The following CAMK2B variants were observed in gnomAD, a reference collection of about 807,000 sequenced individuals.
CAMK2B encodes calcium/calmodulin-dependent protein kinase type II subunit beta.
In CAMK2B, 27 loss-of-function variants were observed where a neutral mutation model predicts 93.7. The ratio of observed to expected loss-of-function variants is 0.29; its 90% CI spans 0.21 to 0.40. CAMK2B has a LOEUF of 0.40. CAMK2B is among the 10% of genes least tolerant of loss of function. The pLI is 1.00. For missense variants in CAMK2B, 568 were observed against 895.8 expected (o/e 0.63, Z 4.67); for synonymous variants, 374 against 358.8 (o/e 1.04, Z -0.48).
intron 13 of CAMK2B, among the ~76,000 whole-genome samples, chr7:44,238,677 C>T (rs971591004): frequency 6.6e-6 from 1 of 152,250 alleles, no homozygotes; most frequent in Non-Finnish European, 1.5e-5. Context: ...ACCCTGGAAC[C>T]TCTGCCGGGT....
chr7:44,325,272 C>A (rs1797241640), intron 1 of CAMK2B, 85 bp downstream of exon 1: 4 of 773,322 alleles, frequency 5.2e-6, no homozygotes, highest in Middle Eastern at 1.3e-3. Flanking sequence ...GCCCGCAGTG[C>A]GCCTGGAGCC....
At chr7:44,323,114 G>A (rs115091261) in intron 1 of CAMK2B, among the ~76,000 whole-genome samples, 3 of 152,302 alleles carry the variant, frequency 2.0e-5, no homozygotes, top group African/African-American at 7.2e-5. Context: ...CTGCACCCCC[G>A]AGGAATCGGT....
chr7:44,322,916 A>G (rs1563133590), intron 1 of CAMK2B, among the ~76,000 whole-genome samples: 1 of 152,202 alleles, frequency 6.6e-6, no homozygotes, highest in East Asian at 1.9e-4. Context: ...GGACATGTCC[A>G]CCTGGGGCCA....
chr7:44,234,621 G>A lies in CAMK2B; in HGVS notation c.1059+18C>T. The stretch of plus-strand genomic sequence containing the variant: ...GCTCTGGGCTCCCCGGCACCACAGG[G>A]CCCGGCTGGAGCCTCACCTTGACTC... On this transcript the variant is annotated intron_variant, in intron 14 of 23. Transcript: ENST00000395749. 6.2e-7 allele frequency: 1 copy of A among 1,613,706 alleles called. No homozygotes were observed. Among genetic ancestry groups the A allele is most frequent in the Non-Finnish European group, 8.5e-7 (1 of 1,179,652 alleles).
Position 44,233,752 on chromosome 7 carries a change from C to A in CAMK2B, c.1131+638G>T, listed in dbSNP as rs191268079. 2.3e-3 allele frequency among the ~76,000 whole-genome samples: 351 copies of A among 152,248 alleles called. 2 individuals are homozygous for A. Among genetic ancestry groups the A allele is most frequent in the African/African-American group, 7.9e-3 (328 of 41,554 alleles). On this transcript the variant is annotated intron_variant, in intron 15 of 23. Transcript: ENST00000395749. ...CAGTTGGAGCGGAGCATGGTGGGGACCCCTCCCCTCCCCGGCAGGGAGCCC... is the reference window on the plus strand; with the variant it reads ...CAGTTGGAGCGGAGCATGGTGGGGAACCCTCCCCTCCCCGGCAGGGAGCCC...
chr7:44,315,944 T>C (rs1185376260), intron 1 of CAMK2B, among the ~76,000 whole-genome samples: 2 of 152,236 alleles, frequency 1.3e-5, no homozygotes, highest in South Asian at 2.1e-4. Context: ...TTAGTTCTAA[T>C]AGTTTTTTAA....
intron 6 of CAMK2B, among the ~76,000 whole-genome samples, chr7:44,246,408 C>CACACACATGCACATGT (rs1403885826): frequency 1.3e-5 from 2 of 152,162 alleles, no homozygotes; most frequent in Non-Finnish European, 2.9e-5. Flanking sequence ...CACACAAGTG[C>CACACACATGCACATGT]ACACACATGC....
chr7:44,235,623 G>T (rs543449049), intron 13 of CAMK2B, among the ~76,000 whole-genome samples: 2 of 152,372 alleles, frequency 1.3e-5, no homozygotes, highest in South Asian at 4.1e-4. Flanking sequence ...TCGGGCAGGG[G>T]CGCAAGACTG....
At chr7:44,256,143 T>TG (rs1253279181) in intron 4 of CAMK2B, among the ~76,000 whole-genome samples, 1 of 152,196 alleles carries the variant, frequency 6.6e-6, no homozygotes, top group African/African-American at 2.4e-5. Flanking sequence ...TCACTCCTCA[T>TG]GGGCCAGCAC....
chr7:44,305,658 C>T (rs1791271997), intron 1 of CAMK2B, among the ~76,000 whole-genome samples: 1 of 152,144 alleles, frequency 6.6e-6, no homozygotes, highest in African/African-American at 2.4e-5. Context: ...AATCACAGGA[C>T]TTGAGCCAAG....
intron 2 of CAMK2B, 96 bp from the exon 3 acceptor site, chr7:44,263,160 G>A: frequency 8.7e-7 from 1 of 1,155,730 alleles, no homozygotes; most frequent in Non-Finnish European, 1.3e-6. Context: ...GGTGTGCCAG[G>A]GCCTCTGACG....
At position 44,239,727 on chromosome 7, in the gene CAMK2B, C is replaced by A. The variant is rs955049608; in HGVS notation, c.947-64G>T. ...TGGGCGGACACAGACGAGGGGTGGG[C>A]GAGGTAAGGGAAGAAAAGAGACAAA... On this transcript the variant is annotated intron_variant, in intron 12 of 23. Transcript: ENST00000395749. 7.0e-6 allele frequency: 8 copies of A among 1,143,468 alleles called. No homozygotes were observed. In the African/African-American group the frequency reaches 1.1e-4, roughly 15 times the overall value. The allele number at this position is 1,143,468 out of a possible 1,614,324, so 70.8% of individuals were successfully genotyped here. A position where few individuals can be genotyped will look rare whatever the true frequency, so the allele number is the denominator to read the frequency against.
chr7:44,239,697 AGGGGT>A, intron 12 of CAMK2B, 34 bp from the exon 13 acceptor site: 1 of 586,126 alleles, frequency 1.7e-6, no homozygotes, highest in Non-Finnish European at 3.0e-6. Flanking sequence ...AGGGGAAGGG[AGGGGT>A]GGGCGGACAC....
chr7:44,244,927 T>A (rs1465787646), intron 6 of CAMK2B: 1 of 456,094 alleles, frequency 2.2e-6, no homozygotes, highest in East Asian at 7.0e-5. Flanking sequence ...GGCACACGCA[T>A]CCGTGTCCAC....
chr7:44,283,660 G>A (rs1784320724), intron 2 of CAMK2B, among the ~76,000 whole-genome samples: 1 of 152,238 alleles, frequency 6.6e-6, no homozygotes, highest in South Asian at 2.1e-4. Context: ...GCCAACCGCA[G>A]CACTGCCCGG....
At chr7:44,256,521 G>A (rs1459953766) in intron 4 of CAMK2B, among the ~76,000 whole-genome samples, 4 of 152,216 alleles carry the variant, frequency 2.6e-5, no homozygotes, top group Non-Finnish European at 5.9e-5. Context: ...GTGCATGTTT[G>A]TACATATGTG....
chr7:44,262,979 C>G (rs767141795), intron 3 of CAMK2B, 26 bp downstream of exon 3: 1 of 1,605,222 alleles, frequency 6.2e-7, no homozygotes, highest in Admixed American at 1.7e-5. Context: ...GGGACCCATC[C>G]CCGCTCCCTA....
At chr7:44,244,523 G>C (rs1178626620) in intron 6 of CAMK2B, among the ~76,000 whole-genome samples, 2 of 151,990 alleles carry the variant, frequency 1.3e-5, no homozygotes, top group Admixed American at 1.3e-4. Context: ...AGCCTCCCAG[G>C]CCACCCCTTT....
rs1383733998 is a variant in CAMK2B, at chr7:44,307,162, T to G, written c.65+18195A>C. On this transcript the variant is annotated intron_variant, in intron 1 of 23. Coordinates refer to ENST00000395749, the MANE Select transcript of CAMK2B (RefSeq NM_001220.5). ...GAGGGTGTGAGCAGAGGGAGGAGGG[T>G]GTGAGCAGAGGGAGGAGGGTGTGAG... Among the ~76,000 whole-genome samples the G allele has an allele frequency of 2.3e-4, 18 of 77,664 alleles. 1 individual carries two copies. The highest frequency in any genetic ancestry group is 2.8e-4 in the Non-Finnish European group (11 of 39,168). The allele number at this position is 77,664 out of a possible 152,430, so 51.0% of individuals were successfully genotyped here. A position where few individuals can be genotyped will look rare whatever the true frequency, so the allele number is the denominator to read the frequency against.
Sources: allele counts gnomAD v4.1 joint callset (sites outside exome capture counted in the v4.1 genomes callset), GRCh38; gene constraint gnomAD v4.1.1; transcripts MANE v1.5; gene names NCBI Gene and HGNC (gene_info 2026-07-23, HGNC 2026-07-21).